Variants in PRSS55 observed in about 807,000 individuals in gnomAD.
PRSS55 encodes serine protease 55.
Under a neutral mutation model 23.6 loss-of-function variants are expected in PRSS55, and 41 were observed. The observed-to-expected ratio is 1.74, with a 90% CI of 1.35 to 2.26. The LOEUF is 2.26. PRSS55 is among the 30% of genes most tolerant of loss of function. The pLI, the probability that PRSS55 is intolerant of heterozygous loss-of-function variation, is 0.00. For synonymous variants in PRSS55, 262 were observed against 175.5 expected, an observed-to-expected ratio of 1.49 and a Z score of -3.90; for missense variants, 669 against 439.1, an observed-to-expected ratio of 1.52 and a Z score of -4.68.
chr8:10,545,713 T>C (rs1292999992), intron 4 of PRSS55, among the ~76,000 whole-genome samples: 6 of 152,200 alleles, frequency 3.9e-5, no homozygotes, highest in African/African-American at 1.4e-4. Flanking sequence ...AAATCATCGT[T>C]TGAATTGAGA....
chr8:10,544,539 A>G (rs1812765648), intron 4 of PRSS55, among the ~76,000 whole-genome samples: 1 of 152,314 alleles, frequency 6.6e-6, no homozygotes, highest in East Asian at 1.9e-4. Context: ...TGATTTACAT[A>G]TGCCATTTTG....
At chr8:10,529,436 G>A (rs188456807) in intron 1 of PRSS55, 71 bp from the exon 2 acceptor site, 223 of 1,491,940 alleles carry the variant, frequency 1.5e-4, no homozygotes, top group Middle Eastern at 1.8e-4. Context: ...CTCCCAGCCC[G>A]GTCCCCAGCT....
At chr8:10,541,485 C>T (rs536390082), downstream of PRSS55, 1 of 152,272 alleles carries the variant, frequency 6.6e-6, no homozygotes, top group East Asian at 1.9e-4. Flanking sequence ...AGAGCAGCAC[C>T]ACCAGCTCTC....
chr8:10,542,380 TG>T (rs1390823817), downstream of PRSS55, among the ~76,000 whole-genome samples: 1 of 147,562 alleles, frequency 6.8e-6, no homozygotes, highest in African/African-American at 2.5e-5. Flanking sequence ...TAAATGCAAT[TG>T]TTAGGTATTT....
chr8:10,529,441 C>A, intron 1 of PRSS55, 66 bp from the exon 2 acceptor site: 1 of 1,533,690 alleles, frequency 6.5e-7, no homozygotes, highest in South Asian at 1.1e-5. Flanking sequence ...AGCCCGGTCC[C>A]CAGCTCACAC....
At chr8:10,545,846 C>A (rs1812804500) in intron 4 of PRSS55, among the ~76,000 whole-genome samples, 1 of 152,226 alleles carries the variant, frequency 6.6e-6, no homozygotes, top group Admixed American at 6.5e-5. Context: ...ATGTTTAATT[C>A]TGAGTTCTGC....
chr8:10,534,953 C>T (rs1407741726), intron 4 of PRSS55, among the ~76,000 whole-genome samples: 3 of 152,148 alleles, frequency 2.0e-5, no homozygotes, highest in African/African-American at 7.2e-5. Flanking sequence ...ATCAAAAATG[C>T]AATCCCATTC....
At chr8:10,537,557 GACA>G (rs1812499504) in intron 4 of PRSS55, among the ~76,000 whole-genome samples, 1 of 137,888 alleles carries the variant, frequency 7.3e-6, no homozygotes, top group Non-Finnish European at 1.6e-5. Flanking sequence ...AGTGATTATA[GACA>G]ACAAGTGTAT....
downstream of PRSS55, among the ~76,000 whole-genome samples, chr8:10,539,170 A>G (rs1397154953): frequency 6.6e-6 from 1 of 152,160 alleles, no homozygotes; most frequent in Admixed American, 6.5e-5. Context: ...CATTACCCTC[A>G]AGAGGGCTTC....
chr8:10,532,394 G>A (rs59741669), intron 3 of PRSS55, among the ~76,000 whole-genome samples: 14 of 152,254 alleles, frequency 9.2e-5, no homozygotes, highest in East Asian at 3.9e-4. Flanking sequence ...GTGAATTCCC[G>A]GCATCTGGCG....
downstream of PRSS55, among the ~76,000 whole-genome samples, chr8:10,539,362 A>G (rs1040813708): frequency 1.3e-5 from 2 of 152,220 alleles, no homozygotes; most frequent in African/African-American, 4.8e-5. Flanking sequence ...GACATATGAG[A>G]TGAACCACCA....
Position 10,525,549 on chromosome 8 carries a change from C to T in PRSS55, c.-37C>T. ...TCAGCCTCACTGCCTCAGCCCTGGC[C>T]TCTGTCACCCCCGGGCCCACAGCAC... On this transcript the variant is annotated 5_prime_UTR_variant, in exon 1 of 5. Transcript: ENST00000328655. 1 of 1,599,130 alleles carries T rather than the reference C, an allele frequency of 6.3e-7. No homozygotes were observed. Among genetic ancestry groups the T allele is most frequent in the South Asian group, 1.1e-5 (1 of 89,498 alleles).
intron 2 of PRSS55, among the ~76,000 whole-genome samples, chr8:10,530,712 G>A (rs1183775565): frequency 6.6e-6 from 1 of 152,088 alleles, no homozygotes; most frequent in Non-Finnish European, 1.5e-5. Context: ...ACTGATTTTA[G>A]AAGGTTAATC....
chr8:10,525,825 C>A lies in PRSS55; in HGVS notation c.154+86C>A, dbSNP rs1415005271. The A allele has an allele frequency of 5.7e-6, 8 of 1,393,146 alleles. No individual in the cohort carries two copies. The African/African-American group carries it at 7.1e-5, about 12-fold the overall frequency. 86.3% of individuals were successfully genotyped at this position (1,393,146 alleles called of 1,614,324 possible). ...GGAGGGTGGATCGCAGAGCACAAGG[C>A]CAGAGCTCCAGGGCTCCCCACATAC... On this transcript the variant is annotated intron_variant, in intron 1 of 4. Transcript: ENST00000328655.
chr8:10,552,174 T>A (rs768632111), intron 4 of PRSS55, among the ~76,000 whole-genome samples: 7 of 152,228 alleles, frequency 4.6e-5, no homozygotes, highest in Non-Finnish European at 1.0e-4. Flanking sequence ...GAACAAACGC[T>A]GGGATCCATT....
chr8:10,538,445 C>A, intron 4 of PRSS55, 31 bp from the exon 5 acceptor site: 3 of 1,538,666 alleles, frequency 1.9e-6, no homozygotes, highest in Non-Finnish European at 2.7e-6. Context: ...TAGAACCGGA[C>A]TCCCTGCTGA....
intron 4 of PRSS55, among the ~76,000 whole-genome samples, chr8:10,548,234 A>G (rs547468060): frequency 1.3e-5 from 2 of 152,194 alleles, no homozygotes; most frequent in South Asian, 4.1e-4. Context: ...CAGTTCCCAG[A>G]TGTCGCCTCA....
intron 4 of PRSS55, chr8:10,544,945 A>C: frequency 1.1e-6 from 1 of 890,710 alleles, no homozygotes; most frequent in Non-Finnish European, 1.3e-6. Flanking sequence ...GTATGTATTT[A>C]TAGAATTTTT....
At chr8:10,535,758 T>C (rs1456684325) in intron 4 of PRSS55, among the ~76,000 whole-genome samples, 2 of 152,212 alleles carry the variant, frequency 1.3e-5, no homozygotes, top group Non-Finnish European at 2.9e-5. Flanking sequence ...AAGGAAACTA[T>C]TAACAGAGTA....
Sources: allele counts gnomAD v4.1 joint callset (sites outside exome capture counted in the v4.1 genomes callset), GRCh38; gene constraint gnomAD v4.1.1; transcripts MANE v1.5; gene names NCBI Gene and HGNC (gene_info 2026-07-23, HGNC 2026-07-21).